COG5: variants seen among roughly 807,000 people sequenced by gnomAD.
COG5 encodes component of oligomeric golgi complex 5.
COG5 carries 86 observed loss-of-function variants against 110.4 expected under a neutral mutation model. That is an observed-to-expected ratio of 0.78 (90% CI 0.65 to 0.93). The LOEUF is 0.93. COG5 is among the 40% of genes least tolerant of loss of function. The pLI is 0.00. For missense variants in COG5, 1,077 were observed against 987.0 expected, an observed-to-expected ratio of 1.09 and a Z score of -1.22; for synonymous variants, 360 against 334.6, an observed-to-expected ratio of 1.08 and a Z score of -0.83.
chr7:107,487,920 GGTTA>G (rs1401327246), intron 6 of COG5, among the ~76,000 whole-genome samples: 3 of 151,988 alleles, frequency 2.0e-5, no homozygotes, highest in Non-Finnish European at 2.9e-5. Context: ...ACAGTTGAGA[GGTTA>G]GTTTCTGAAA....
chr7:107,350,498 T>C lies in COG5; in HGVS notation c.1026+11535A>G, dbSNP rs142111037. ...CAGATACCTTAGATTCTTTATCAGA[T>C]AATTCTACTATCTGAAATCCATAGC... On this transcript the variant is annotated intron_variant, in intron 10 of 21. Coordinates refer to ENST00000297135, the MANE Select transcript of COG5 (RefSeq NM_006348.5). Among the ~76,000 whole-genome samples the C allele has an allele frequency of 4.7e-3, 717 of 152,346 alleles. 3 individuals carry two copies. The highest frequency in any genetic ancestry group is 5.4e-3 in the Non-Finnish European group (367 of 68,026).
chr7:107,399,051 A>G (rs992045792), intron 7 of COG5, among the ~76,000 whole-genome samples: 1 of 151,980 alleles, frequency 6.6e-6, no homozygotes, highest in African/African-American at 2.4e-5. Flanking sequence ...AAAATATAAA[A>G]ATTAGCTAGG....
intron 21 of COG5, among the ~76,000 whole-genome samples, chr7:107,204,406 T>C (rs1321820360): frequency 2.6e-5 from 4 of 152,162 alleles, no homozygotes; most frequent in African/African-American, 7.2e-5. Flanking sequence ...AGTTCGTCAG[T>C]CCCTGAACCA....
At chr7:107,450,401 G>A (rs892558488) in intron 6 of COG5, 7 of 152,140 alleles carry the variant, frequency 4.6e-5, no homozygotes, top group African/African-American at 1.7e-4. Flanking sequence ...CTAGAATAAA[G>A]GTTTAATTTA....
At chr7:107,467,433 T>C (rs976163839) in intron 6 of COG5, among the ~76,000 whole-genome samples, 1 of 152,318 alleles carries the variant, frequency 6.6e-6, no homozygotes, top group East Asian at 1.9e-4. Flanking sequence ...CGCAGCTCAC[T>C]GCAATCTCTG....
In COG5 at chr7:107,474,832, A is replaced by C. The variant is rs191712836; in HGVS notation, c.538+52405T>G. 9.9e-6 allele frequency: 16 copies of C among 1,613,264 alleles called. No individual in the cohort carries two copies. The highest frequency in any genetic ancestry group is 8.5e-7 in the Non-Finnish European group (1 of 1,179,614). ...GCAGAAGAAGAAAGCAAGAAAGAAA[A>C]AGACAATTTCTCTAACCACACAACA... On this transcript the variant is annotated intron_variant, in intron 6 of 21. Coordinates refer to ENST00000297135, the MANE Select transcript of COG5 (RefSeq NM_006348.5). The surrounding 1 kb of genome is among the most constrained non-coding windows in gnomAD (Gnocchi z 5.7).
At chr7:107,244,122 C>T (rs889204566) in intron 17 of COG5, among the ~76,000 whole-genome samples, 26 of 151,912 alleles carry the variant, frequency 1.7e-4, no homozygotes, top group South Asian at 1.5e-3. Context: ...AGGGGTGGTG[C>T]GGGCCTGTAA....
chr7:107,509,817 G>A (rs567545557), intron 6 of COG5, among the ~76,000 whole-genome samples: 10 of 151,926 alleles, frequency 6.6e-5, no homozygotes, highest in South Asian at 2.1e-4. Context: ...TAAGTGAAGG[G>A]GAAATAAAAT....
At chr7:107,260,803 T>C (rs1395615897) in intron 14 of COG5, among the ~76,000 whole-genome samples, 1 of 151,794 alleles carries the variant, frequency 6.6e-6, no homozygotes, top group South Asian at 2.1e-4. Context: ...AGTGAAAAAA[T>C]GTAAGTCTCC....
At chr7:107,465,615 G>C (rs1796248787) in intron 6 of COG5, among the ~76,000 whole-genome samples, 1 of 152,144 alleles carries the variant, frequency 6.6e-6, no homozygotes, top group Non-Finnish European at 1.5e-5. Context: ...TCAGAAGGTA[G>C]GAGTAACTGA....
At chr7:107,489,043 A>G (rs1211951321) in intron 6 of COG5, among the ~76,000 whole-genome samples, 3 of 151,890 alleles carry the variant, frequency 2.0e-5, no homozygotes, top group Non-Finnish European at 4.4e-5. Flanking sequence ...GTTTTTCTCT[A>G]TTTTCTTGTA....
chr7:107,258,120 T>A (rs924307343), intron 15 of COG5, among the ~76,000 whole-genome samples, 153 bp downstream of exon 15: 3 of 152,164 alleles, frequency 2.0e-5, no homozygotes, highest in Non-Finnish European at 4.4e-5. Context: ...AGTCAAAGAC[T>A]GTTTAAAAGA....
intron 6 of COG5, among the ~76,000 whole-genome samples, chr7:107,505,666 C>T (rs768418410): frequency 6.6e-6 from 1 of 152,208 alleles, no homozygotes; most frequent in Non-Finnish European, 1.5e-5. Flanking sequence ...ACTTTCCTTG[C>T]TGAGCCCAGC....
intron 6 of COG5, among the ~76,000 whole-genome samples, chr7:107,513,937 T>A (rs565557368): frequency 2.1e-4 from 32 of 151,984 alleles, no homozygotes; most frequent in African/African-American, 7.5e-4. Flanking sequence ...TTAGGAGATA[T>A]ACCTAATGCT....
intron 14 of COG5, among the ~76,000 whole-genome samples, chr7:107,278,663 C>T (rs1804902657): frequency 6.6e-6 from 1 of 152,026 alleles, no homozygotes; most frequent in South Asian, 2.1e-4. Flanking sequence ...CTTTCACAAA[C>T]CTGACAAAAA....
chr7:107,404,629 A>G (rs1791674767), intron 7 of COG5, among the ~76,000 whole-genome samples: 1 of 152,182 alleles, frequency 6.6e-6, no homozygotes, highest in Admixed American at 6.5e-5. Flanking sequence ...AGCAGAGAAC[A>G]TATGAGGAGA....
intron 6 of COG5, among the ~76,000 whole-genome samples, chr7:107,457,710 G>A (rs1176440221): frequency 1.3e-5 from 2 of 152,144 alleles, no homozygotes; most frequent in Admixed American, 6.5e-5. Context: ...GATTACAGGC[G>A]TGAGCCACTG....
intron 11 of COG5, among the ~76,000 whole-genome samples, chr7:107,322,054 T>C (rs868774535): frequency 3.9e-5 from 6 of 152,158 alleles, no homozygotes; most frequent in Non-Finnish European, 4.4e-5. Context: ...GACAATCCTT[T>C]AGACAAACAC....
At chr7:107,297,815 T>C (rs1002069106) in intron 12 of COG5, among the ~76,000 whole-genome samples, 3 of 152,138 alleles carry the variant, frequency 2.0e-5, no homozygotes, top group African/African-American at 4.8e-5. Context: ...CAATAAATGA[T>C]ACTGTCTGAG....
Sources: allele counts gnomAD v4.1 joint callset (sites outside exome capture counted in the v4.1 genomes callset), GRCh38; gene constraint gnomAD v4.1.1; non-coding constraint Gnocchi (gnomAD v3.1); transcripts MANE v1.5; gene names NCBI Gene and HGNC (gene_info 2026-07-23, HGNC 2026-07-21).